Variants in LHX6 observed in about 807,000 individuals in gnomAD.
LHX6 encodes LIM homeobox 6, also known as LIM/homeobox protein Lhx6.
A neutral mutation model predicts 47.1 loss-of-function variants in LHX6; 15 were observed. The ratio of observed to expected loss-of-function variants is 0.32; its 90% confidence interval spans 0.21 to 0.49. The LOEUF (loss-of-function observed/expected upper bound fraction) is 0.49. Among genes scored for constraint, LHX6 ranks in the 20% least tolerant of loss-of-function variants. The pLI, the probability that LHX6 is intolerant of heterozygous loss-of-function variation, is 0.99. For synonymous variants in LHX6, 242 were observed against 233.5 expected (o/e 1.04, Z -0.33); for missense variants, 404 against 539.6 (o/e 0.75, Z 2.49).
Position 122,228,642 on chromosome 9 carries a change from C to A in LHX6, c.84+15G>T. 2 of 1,304,884 alleles carry A rather than the reference C, an allele frequency of 1.5e-6. No homozygotes were observed. The highest frequency in any genetic ancestry group is 4.6e-5 in the South Asian group (2 of 43,424). The allele number at this position is 1,304,884 out of a possible 1,614,324, so 80.8% of individuals were successfully genotyped here. On this transcript the variant is annotated intron_variant, in intron 1 of 9. Transcript: ENST00000394319. ...CCCCGGCCCGGGCCGCTCACCCAGT[C>A]GTTCGCCGGCTCACCTGGTCGGTGG...
In LHX6 at chr9:122,204,598, G is replaced by A; in HGVS notation, c.*162C>T. ...TGGGTTCTGGTTCTCAGCAGGAGAG[G>A]GAAAGGCCAGGCCTCGGGAACCGAC... On this transcript the variant is annotated 3_prime_UTR_variant, in exon 10 of 10. Transcript: ENST00000394319. The A allele has an allele frequency of 1.5e-6, 1 of 682,006 alleles. No individual in the cohort carries two copies. The highest frequency in any genetic ancestry group is 2.4e-6 in the Non-Finnish European group (1 of 418,442). 42.2% of individuals were successfully genotyped at this position (682,006 alleles called of 1,614,324 possible). A position where few individuals can be genotyped will look rare whatever the true frequency, so the allele number is the denominator to read the frequency against.
chr9:122,219,598 G>A (rs1830748122), intron 4 of LHX6, among the ~76,000 whole-genome samples: 1 of 152,196 alleles, frequency 6.6e-6, no homozygotes, highest in African/African-American at 2.4e-5. Context: ...GCCCAGCCGC[G>A]CGTAGAGACC....
chr9:122,219,196 G>A (rs1450440658), intron 4 of LHX6, among the ~76,000 whole-genome samples: 2 of 152,236 alleles, frequency 1.3e-5, no homozygotes, highest in East Asian at 3.9e-4. Flanking sequence ...CTGAGTGCAG[G>A]AGCCCAGAGG....
chr9:122,218,691 T>C (rs1204194289), intron 4 of LHX6, among the ~76,000 whole-genome samples: 1 of 152,130 alleles, frequency 6.6e-6, no homozygotes, highest in Non-Finnish European at 1.5e-5. Flanking sequence ...TCCAAAACCC[T>C]TGGGGTTTGC....
intron 9 of LHX6, among the ~76,000 whole-genome samples, chr9:122,208,553 C>T (rs994615426): frequency 1.3e-5 from 2 of 152,148 alleles, no homozygotes; most frequent in African/African-American, 4.8e-5. Context: ...AAGGTTCGGC[C>T]GGGCACGGTG....
intron 2 of LHX6, 81 bp downstream of exon 2, chr9:122,227,328 C>T (rs1831147143): frequency 1.5e-6 from 2 of 1,320,352 alleles, no homozygotes; most frequent in African/African-American, 1.5e-5. Context: ...AGCAGCAGTT[C>T]GTGGCCGGAA....
At position 122,214,259 on chromosome 9, in the gene LHX6, G is replaced by A. The variant is rs1195022191; in HGVS notation, c.783+24C>T. The A allele has an allele frequency of 5.2e-6, 7 of 1,349,944 alleles. No individual in the cohort carries two copies. Among genetic ancestry groups the A allele is most frequent in the South Asian group, 3.6e-5 (3 of 82,290 alleles). The allele number at this position is 1,349,944 out of a possible 1,614,324, so 83.6% of individuals were successfully genotyped here. A position where few individuals can be genotyped will look rare whatever the true frequency, so the allele number is the denominator to read the frequency against. ...CACTTTCGGCCCGGCCCCCGCCCCC[G>A]CCGCCCACTGCTTGCAGCGGTACCT... On this transcript the variant is annotated intron_variant, in intron 6 of 9. Transcript: ENST00000394319. The surrounding 1 kb of genome is among the most constrained non-coding windows in gnomAD (Gnocchi z 4.6).
intron 4 of LHX6, among the ~76,000 whole-genome samples, chr9:122,221,956 C>T (rs1457729092): frequency 2.0e-5 from 3 of 152,092 alleles, no homozygotes; most frequent in African/African-American, 7.2e-5. Flanking sequence ...CTCAGTTCCT[C>T]GATCCCACCC....
intron 9 of LHX6, among the ~76,000 whole-genome samples, chr9:122,208,834 T>TAA (rs34355404): frequency 4.3e-5 from 5 of 117,286 alleles, no homozygotes; most frequent in East Asian, 2.6e-4. Context: ...AAACTCTGTC[T>TAA]AAAAAAAAAA....
In LHX6 at chr9:122,217,297, C is replaced by A; in HGVS notation, c.462-9G>T. On this transcript the variant is annotated splice_polypyrimidine_tract_variant and intron_variant, in intron 4 of 9. Transcript: ENST00000394319. This position sits in a 1 kb window ranked among gnomAD's most constrained non-coding sequence, Gnocchi z 4.9. Reference sequence around the variant, plus strand: ...ACTTGGTCCCGAATCGGCTGCAGGTCGAGAGGACAGGCACGGGGTGTCGAG... The same window carrying A: ...ACTTGGTCCCGAATCGGCTGCAGGTAGAGAGGACAGGCACGGGGTGTCGAG... 6.2e-7 allele frequency: 1 copy of A among 1,605,564 alleles called. No homozygotes were observed. The highest frequency in any genetic ancestry group is 8.5e-7 in the Non-Finnish European group (1 of 1,177,602).
At chr9:122,205,618 C>T (rs1267909289) in intron 9 of LHX6, among the ~76,000 whole-genome samples, 4 of 152,138 alleles carry the variant, frequency 2.6e-5, no homozygotes, top group African/African-American at 9.7e-5. Flanking sequence ...CTTTTCTGAT[C>T]AGGAATGTTA....
chr9:122,225,006 C>T (rs939805498), intron 4 of LHX6, among the ~76,000 whole-genome samples: 7 of 152,306 alleles, frequency 4.6e-5, no homozygotes, highest in African/African-American at 1.7e-4. Flanking sequence ...TCTCTTTAAC[C>T]ATGCTTCTCA....
chr9:122,219,207 C>T (rs1830720451), intron 4 of LHX6, among the ~76,000 whole-genome samples: 1 of 152,254 alleles, frequency 6.6e-6, no homozygotes, highest in African/African-American at 2.4e-5. Flanking sequence ...AGCCCAGAGG[C>T]TTCTGCCAGT....
chr9:122,209,480 G>A, intron 9 of LHX6, 134 bp downstream of exon 9: 1 of 1,329,470 alleles, frequency 7.5e-7, no homozygotes, highest in Non-Finnish European at 1.0e-6. Context: ...GGTGCGGTGG[G>A]GGTCTCAGCA....
At chr9:122,215,260 G>GA (rs1185917318) in intron 5 of LHX6, among the ~76,000 whole-genome samples, 1 of 152,106 alleles carries the variant, frequency 6.6e-6, no homozygotes, top group Non-Finnish European at 1.5e-5. Flanking sequence ...AACATACATG[G>GA]AAAAAAATCT....
chr9:122,219,598 G>T (rs1830748122), intron 4 of LHX6, among the ~76,000 whole-genome samples: 1 of 152,196 alleles, frequency 6.6e-6, no homozygotes, highest in Non-Finnish European at 1.5e-5. Flanking sequence ...GCCCAGCCGC[G>T]CGTAGAGACC....
At position 122,226,534 on chromosome 9, in the gene LHX6, G is replaced by A. The variant is rs780236857; in HGVS notation, c.340-37C>T. ...GCGGGGACGGAGGTCGGCTCAGCGC[G>A]GGCCTCTTTCACTCCGGGCCCCAGC... On this transcript the variant is annotated intron_variant, in intron 3 of 9. Transcript: ENST00000394319. The surrounding 1 kb of genome is among the most constrained non-coding windows in gnomAD (Gnocchi z 6.5). 8 of 1,600,370 alleles carry A rather than the reference G, an allele frequency of 5.0e-6. No homozygotes were observed. Among genetic ancestry groups the A allele is most frequent in the Middle Eastern group, 1.8e-4 (1 of 5,708 alleles).
intron 9 of LHX6, among the ~76,000 whole-genome samples, chr9:122,208,308 A>G (rs1830262608): frequency 6.6e-6 from 1 of 152,012 alleles, no homozygotes; most frequent in East Asian, 1.9e-4. Flanking sequence ...CTCTTCTGGG[A>G]AGTCTTCCCT....
Position 122,213,854 on chromosome 9 carries a change from A to C in LHX6, c.880-74T>G. 1 of 1,526,808 alleles carries C rather than the reference A, an allele frequency of 6.5e-7. No individual in the cohort carries two copies. Among genetic ancestry groups the C allele is most frequent in the Non-Finnish European group, 8.8e-7 (1 of 1,131,228 alleles). The allele number at this position is 1,526,808 out of a possible 1,614,324, so 94.6% of individuals were successfully genotyped here. On this transcript the variant is annotated intron_variant, in intron 7 of 9. Coordinates refer to ENST00000394319, the MANE Select transcript of LHX6 (RefSeq NM_014368.5). The surrounding 1 kb of genome is among the most constrained non-coding windows in gnomAD (Gnocchi z 5.5). ...GCGCCGCCGGGAGACCCCAGGCGGG[A>C]CTGCCTCGTCGCCTCCTGGAGAAGG...
Sources: allele counts gnomAD v4.1 joint callset (sites outside exome capture counted in the v4.1 genomes callset), GRCh38; gene constraint gnomAD v4.1.1; non-coding constraint Gnocchi (gnomAD v3.1); transcripts MANE v1.5; gene names NCBI Gene and HGNC (gene_info 2026-07-23, HGNC 2026-07-21).